Variants in PAPOLA observed in about 807,000 individuals in gnomAD.
PAPOLA encodes polynucleotide adenylyltransferase alpha.
PAPOLA carries 15 observed loss-of-function variants against 100.6 expected under a neutral mutation model. That is an observed-to-expected ratio of 0.15 (90% CI 0.10 to 0.23). The LOEUF (loss-of-function observed/expected upper bound fraction) is 0.23. PAPOLA is among the 10% of genes least tolerant of loss of function. PAPOLA has a pLI of 1.00. For missense variants in PAPOLA, 533 were observed against 884.2 expected, an observed-to-expected ratio of 0.60 and a Z score of 5.04; for synonymous variants, 293 against 300.0, an observed-to-expected ratio of 0.98 and a Z score of 0.24.
At position 96,515,504 on chromosome 14, in the gene PAPOLA, G is replaced by A. The variant is rs572539146; in HGVS notation, c.9-4551G>A. On this transcript the variant is annotated intron_variant, in intron 1 of 21. Coordinates refer to ENST00000216277, the MANE Select transcript of PAPOLA (RefSeq NM_032632.5). Reference sequence around the variant, plus strand: ...AGATGTGGATGAAAAGGAAGAATAAGGATAGATACACAATGGAGCAAAATA... The same window carrying A: ...AGATGTGGATGAAAAGGAAGAATAAAGATAGATACACAATGGAGCAAAATA... Among the ~76,000 whole-genome samples the A allele has an allele frequency of 3.8e-4, 58 of 152,308 alleles. 1 individual carries two copies. The South Asian group carries it at 0.012, about 31-fold the overall frequency.
chr14:96,516,388 T>TCCTC lies in PAPOLA; in HGVS notation c.9-3649_9-3646dup, dbSNP rs979752360. On this transcript the variant is annotated intron_variant, in intron 1 of 21. Transcript: ENST00000216277. ...TCATTCTCTCCCTCTCTTTCTTCCT[T>TCCTC]CCTCCCTCCCTCCCTCCCTCCTGGG... 7.8e-3 allele frequency among the ~76,000 whole-genome samples: 1,170 copies of TCCTC among 150,664 alleles called. 20 individuals carry two copies. The highest frequency in any genetic ancestry group is 0.026 in the African/African-American group (1,059 of 40,746).
At chr14:96,534,912 C>T in intron 10 of PAPOLA, 1 of 1,014,658 alleles carries the variant, frequency 9.9e-7, no homozygotes, top group Non-Finnish European at 1.2e-6. Context: ...TTTATTTTAT[C>T]TAAGTATTAT....
intron 1 of PAPOLA, among the ~76,000 whole-genome samples, chr14:96,509,114 C>G (rs1360291857): frequency 6.6e-6 from 1 of 152,186 alleles, no homozygotes; most frequent in Non-Finnish European, 1.5e-5. Context: ...TCACTGCAGG[C>G]TTGACCTCCC....
intron 1 of PAPOLA, among the ~76,000 whole-genome samples, chr14:96,518,631 T>A (rs565128188): frequency 7.0e-4 from 107 of 152,002 alleles, no homozygotes; most frequent in African/African-American, 2.4e-3. Flanking sequence ...TCTCCTGACC[T>A]CGTGATCCGC....
intron 19 of PAPOLA, among the ~76,000 whole-genome samples, chr14:96,559,550 CCTCTCTCT>C (rs66829530): frequency 0.01 from 1,199 of 118,460 alleles, 13 homozygotes; most frequent in African/African-American, 0.02. Context: ...GCTAAATTAA[CCTCTCTCT>C]CTCTCTCTCT....
At position 96,533,509 on chromosome 14, in the gene PAPOLA, T is replaced by C. The variant is rs866258665; in HGVS notation, c.836+860T>C. The C allele has an allele frequency of 1.7e-5, 16 of 953,522 alleles. No individual in the cohort carries two copies. The South Asian group carries it at 4.8e-4, about 29-fold the overall frequency. 59.1% of individuals were successfully genotyped at this position (953,522 alleles called of 1,614,324 possible). A position where few individuals can be genotyped will look rare whatever the true frequency, so the allele number is the denominator to read the frequency against. On this transcript the variant is annotated intron_variant, in intron 9 of 21. Coordinates refer to ENST00000216277, the MANE Select transcript of PAPOLA (RefSeq NM_032632.5). ...CTGTTTTGGGATTTAGTAGCACTTA[T>C]AATCAGGTGTGATAAGATTAAAGAA...
At chr14:96,560,597 A>G in intron 19 of PAPOLA, 52 bp from the exon 20 acceptor site, 1 of 1,215,760 alleles carries the variant, frequency 8.2e-7, no homozygotes, top group South Asian at 1.3e-5. Flanking sequence ...TTGATTGGCA[A>G]ATAATCTAAA....
At chr14:96,538,114 G>T (rs1899686208) in intron 12 of PAPOLA, among the ~76,000 whole-genome samples, 2 of 151,908 alleles carry the variant, frequency 1.3e-5, no homozygotes. Flanking sequence ...TGTAGAGGAA[G>T]TACCTTGGAA....
intron 19 of PAPOLA, among the ~76,000 whole-genome samples, chr14:96,559,550 C>CCTCTCT (rs66829530): frequency 0.036 from 4,275 of 118,290 alleles, 79 homozygotes; most frequent in Middle Eastern, 0.064. Context: ...GCTAAATTAA[C>CCTCTCT]CTCTCTCTCT....
At chr14:96,514,705 G>C (rs1426772642) in intron 1 of PAPOLA, among the ~76,000 whole-genome samples, 2 of 152,202 alleles carry the variant, frequency 1.3e-5, no homozygotes, top group Non-Finnish European at 2.9e-5. Flanking sequence ...CTGTTTCTCA[G>C]CTTTGGTCTA....
chr14:96,554,593 TGA>T (rs143432474), intron 17 of PAPOLA, among the ~76,000 whole-genome samples: 4 of 151,080 alleles, frequency 2.6e-5, no homozygotes, highest in African/African-American at 4.9e-5. Flanking sequence ...GTGATAGCTC[TGA>T]GAGAGAGAGA....
chr14:96,532,604 T>C lies in PAPOLA; in HGVS notation c.791T>C (p.Ile264Thr), dbSNP rs1212430464. 3 of 1,612,744 alleles carry C rather than the reference T, an allele frequency of 1.9e-6. No homozygotes were observed. ...ACTTGCCAGCTTTATCCAAATGCAA[T>C]AGCATCAACTCTTGTACATAAATTT... ...ARTCQLYPNA[I>T]ASTLVHKFFL... The change falls in exon 9 of 22, where the codon ATA becomes ACA. Residue 264 changes from isoleucine (I) to threonine (T), a missense_variant. Physicochemically the swap from Ile to Thr is moderately conservative, Grantham distance 89 (BLOSUM62 -1). This residue lies in a region of PAPOLA where 32 missense variants were observed against 95.0 expected (regional missense o/e 0.34). Transcript: ENST00000216277.
At position 96,525,056 on chromosome 14, in the gene PAPOLA, A is replaced by G. The variant is rs956739489; in HGVS notation, c.250-254A>G. Among the ~76,000 whole-genome samples the G allele has an allele frequency of 5.9e-5, 9 of 152,236 alleles. No individual in the cohort carries two copies. The South Asian group carries it at 8.3e-4, about 14-fold the overall frequency. On this transcript the variant is annotated intron_variant, in intron 3 of 21. Transcript: ENST00000216277. ...TCTTCTCAATCACAGTCTTCTTTAT[A>G]GTAGTTTCTAGAAATAGGGCAAGAA...
At chr14:96,504,306 T>C (rs1020418247) in intron 1 of PAPOLA, 2 of 152,228 alleles carry the variant, frequency 1.3e-5, no homozygotes, top group African/African-American at 4.8e-5. Context: ...AAAAGTACTT[T>C]TATACCTACT....
chr14:96,523,375 C>G (rs1257502892), intron 3 of PAPOLA, among the ~76,000 whole-genome samples: 2 of 152,220 alleles, frequency 1.3e-5, no homozygotes, highest in African/African-American at 4.8e-5. Context: ...CTTGACTACA[C>G]TAGCAACATT....
intron 1 of PAPOLA, among the ~76,000 whole-genome samples, chr14:96,505,482 A>C (rs917202960): frequency 1.3e-5 from 2 of 152,226 alleles, no homozygotes; most frequent in East Asian, 3.8e-4. Context: ...AAGGAGAGTA[A>C]CCAGTATCAG....
chr14:96,521,481 ATTTATTTATTT>A (rs993483925), intron 3 of PAPOLA, among the ~76,000 whole-genome samples: 1 of 151,886 alleles, frequency 6.6e-6, no homozygotes, highest in Non-Finnish European at 1.5e-5. Context: ...ATATTTATTT[ATTTATTTATTT>A]TTTATTTATT....
chr14:96,502,638 C>T (rs1896366645), intron 1 of PAPOLA, 38 bp downstream of exon 1: 2 of 1,565,384 alleles, frequency 1.3e-6, no homozygotes, highest in South Asian at 1.2e-5. Flanking sequence ...CGCTCGCCGG[C>T]TGGGCCTTGG....
intron 13 of PAPOLA, chr14:96,542,536 A>G (rs1456348626): frequency 3.7e-6 from 2 of 542,638 alleles, no homozygotes; most frequent in Non-Finnish European, 6.5e-6. Context: ...TTTAAAGTGC[A>G]CTTATAGCTT....
Sources: allele counts gnomAD v4.1 joint callset (sites outside exome capture counted in the v4.1 genomes callset), GRCh38; gene constraint gnomAD v4.1.1; regional missense constraint gnomAD v4.1.1; transcripts MANE v1.5; gene names NCBI Gene and HGNC (gene_info 2026-07-23, HGNC 2026-07-21).